The following STS variants were observed in gnomAD, a reference collection of about 807,000 sequenced individuals.
The protein encoded by STS is steryl-sulfatase.
STS carries 7 observed loss-of-function variants against 26.8 expected under a neutral mutation model. That is an observed-to-expected ratio of 0.26 (90% confidence interval 0.15 to 0.49). STS has a LOEUF of 0.49. Ranked by LOEUF, STS falls within the 20% of genes least tolerant of loss-of-function variation. The pLI, the probability that STS is intolerant of heterozygous loss-of-function variation, is 0.98. For missense variants in STS, 434 were observed against 465.6 expected, an observed-to-expected ratio of 0.93 and a Z score of 0.63; for synonymous variants, 199 against 189.4, an observed-to-expected ratio of 1.05 and a Z score of -0.42.
intron 2 of STS, among the ~76,000 whole-genome samples, chrX:7,238,670 AT>A (rs1221453945): frequency 9.1e-6 from 1 of 110,392 alleles, no homozygotes; most frequent in Non-Finnish European, 1.9e-5. Context: ...CTCTACAAAA[AT>A]TTTTTTAAAA....
At chrX:7,192,448 C>T (rs1231764103) in intron 2 of STS, among the ~76,000 whole-genome samples, 3 of 111,119 alleles carry the variant, frequency 2.7e-5, no homozygotes, top group Non-Finnish European at 5.7e-5. Context: ...CCTGTAGTAC[C>T]AGCTACTTGG....
At position 7,217,747 on chromosome X, in the gene STS, C is replaced by A. The variant is rs751490455; in HGVS notation, c.-5+26739C>A. Among the ~76,000 whole-genome samples, 34 of 111,444 alleles carry A rather than the reference C, an allele frequency of 3.1e-4. No homozygotes were observed. The South Asian group carries it at 0.012, about 40-fold the overall frequency. On this transcript the variant is annotated intron_variant, in intron 2 of 10. Transcript: ENST00000674429. ...TTTGTAGAGCAAAGCCGCTGCTTCA[C>A]CAGGCTAGAGTCCCTTCCCCAGGGC...
At chrX:7,254,421 A>G (rs1304929807) in intron 3 of STS, among the ~76,000 whole-genome samples, 1 of 110,843 alleles carries the variant, frequency 9.0e-6, no homozygotes, top group African/African-American at 3.3e-5. Context: ...TTAAAATTTC[A>G]CTTTCTCTTC....
At chrX:7,307,113 C>A (rs1410183890) in intron 8 of STS, among the ~76,000 whole-genome samples, 1 of 111,416 alleles carries the variant, frequency 9.0e-6, no homozygotes, top group Admixed American at 9.6e-5. Context: ...GGACAACCTT[C>A]ATAGGCTGCT....
intron 5 of STS, 49 bp downstream of exon 5, chrX:7,257,637 G>A (rs370771122): frequency 8.3e-7 from 1 of 1,200,705 alleles, no homozygotes; most frequent in Admixed American, 2.2e-5. Flanking sequence ...GGGAATGGGA[G>A]GGAGGACTTG....
Position 7,350,297 on chromosome X carries a change from G to A in STS, c.*36G>A. The A allele has an allele frequency of 8.4e-7, 1 of 1,192,746 alleles. No individual in the cohort carries two copies. The highest frequency in any genetic ancestry group is 1.7e-5 in the African/African-American group (1 of 57,547). On this transcript the variant is annotated 3_prime_UTR_variant, in exon 11 of 11. Coordinates refer to ENST00000674429, the MANE Select transcript of STS (RefSeq NM_001320752.2). ...GGACCAGACAGACGCATGTGGCAAAGCTCACCATCTTCACTACAAACACGC... is the reference window on the plus strand; with the variant it reads ...GGACCAGACAGACGCATGTGGCAAAACTCACCATCTTCACTACAAACACGC...
At chrX:7,172,939 T>G (rs1057205609) in intron 1 of STS, among the ~76,000 whole-genome samples, 1 of 111,738 alleles carries the variant, frequency 8.9e-6, no homozygotes, top group Non-Finnish European at 1.9e-5. Context: ...TTATTCACTT[T>G]GTTTTATTTT....
chrX:7,219,654 A>G (rs751227722), intron 2 of STS: 4 of 1,211,535 alleles, frequency 3.3e-6, no homozygotes, highest in Admixed American at 4.3e-5. Context: ...CAGTTCCCCA[A>G]CAACAGGATC....
At chrX:7,169,124 A>G (rs1180628497) in intron 1 of STS, among the ~76,000 whole-genome samples, 1 of 110,820 alleles carries the variant, frequency 9.0e-6, no homozygotes, top group Non-Finnish European at 1.9e-5. Flanking sequence ...ACCCTTTAAC[A>G]GCGATTCCAC....
chrX:7,197,241 T>C (rs1933987156), intron 2 of STS, among the ~76,000 whole-genome samples: 1 of 111,684 alleles, frequency 9.0e-6, no homozygotes, highest in Non-Finnish European at 1.9e-5. Context: ...TGATTATTTG[T>C]CCAATATTGA....
chrX:7,231,024 C>CA (rs1399398817), intron 2 of STS, among the ~76,000 whole-genome samples: 7 of 111,866 alleles, frequency 6.3e-5, no homozygotes, highest in African/African-American at 2.3e-4. Context: ...GGTATGTACC[C>CA]AAAAGAATTG....
At chrX:7,320,135 T>C (rs1338642296) in intron 8 of STS, among the ~76,000 whole-genome samples, 2 of 99,433 alleles carry the variant, frequency 2.0e-5, no homozygotes, top group Non-Finnish European at 4.0e-5. Context: ...ATATATATTT[T>C]TATTATATAT....
chrX:7,246,868 A>C (rs985271885), intron 2 of STS, among the ~76,000 whole-genome samples: 11 of 113,064 alleles, frequency 9.7e-5, no homozygotes, highest in African/African-American at 3.5e-4. Flanking sequence ...ATTTTAAAAG[A>C]GAGAAGATGC....
At chrX:7,162,177 G>A (rs1933257538) in intron 1 of STS, among the ~76,000 whole-genome samples, 2 of 111,177 alleles carry the variant, frequency 1.8e-5, no homozygotes, top group South Asian at 7.7e-4. Context: ...TCGAGCCTTG[G>A]TTGGAAATTA....
chrX:7,240,248 T>A (rs191509224), intron 2 of STS, among the ~76,000 whole-genome samples: 1 of 109,041 alleles, frequency 9.2e-6, no homozygotes, highest in East Asian at 2.9e-4. Flanking sequence ...CTAGTCCTGA[T>A]AATATCTACC....
At chrX:7,308,631 T>C (rs779690989) in intron 8 of STS, among the ~76,000 whole-genome samples, 17 of 111,985 alleles carry the variant, frequency 1.5e-4, no homozygotes, top group African/African-American at 5.5e-4. Context: ...TAAAGAAATG[T>C]ATTTGATGTA....
intron 7 of STS, among the ~76,000 whole-genome samples, chrX:7,299,288 A>G (rs1925843044): frequency 1.0e-5 from 1 of 98,208 alleles, no homozygotes. Context: ...AAATATAAAT[A>G]ACATGATAAT....
chrX:7,205,549 C>A (rs777484116), intron 2 of STS, among the ~76,000 whole-genome samples: 1 of 110,943 alleles, frequency 9.0e-6, no homozygotes, highest in South Asian at 3.9e-4. Flanking sequence ...GAGGGGTTGG[C>A]TGGTATAAAA....
intron 2 of STS, among the ~76,000 whole-genome samples, chrX:7,217,488 C>T (rs890911158): frequency 4.5e-5 from 5 of 111,827 alleles, no homozygotes; most frequent in South Asian, 3.8e-4. Flanking sequence ...CTGAGCATGT[C>T]GGCCCCCTAT....
Sources: allele counts gnomAD v4.1 joint callset (sites outside exome capture counted in the v4.1 genomes callset), GRCh38; gene constraint gnomAD v4.1.1; transcripts MANE v1.5; gene names NCBI Gene and HGNC (gene_info 2026-07-23, HGNC 2026-07-21).